The following GRIA2 variants were observed in gnomAD, a reference collection of about 807,000 sequenced individuals.
The protein encoded by GRIA2 is glutamate ionotropic receptor AMPA type subunit 2.
In GRIA2, 14 loss-of-function variants were observed where a neutral mutation model predicts 97.3. That is an observed-to-expected ratio of 0.14 (90% CI 0.10 to 0.23). The LOEUF (loss-of-function observed/expected upper bound fraction) is 0.23, where lower values mean the gene tolerates loss of function less well. Ranked by LOEUF, GRIA2 falls within the 10% of genes least tolerant of loss-of-function variation. The pLI is 1.00. For synonymous variants in GRIA2, 412 were observed against 387.8 expected (o/e 1.06, Z -0.73); for missense variants, 558 against 1,069.8 (o/e 0.52, Z 6.67).
intron 2 of GRIA2, among the ~76,000 whole-genome samples, chr4:157,230,721 TACTATAGAACA>T (rs1213244649): frequency 1.3e-5 from 2 of 152,302 alleles, no homozygotes; most frequent in African/African-American, 4.8e-5. Context: ...AACCTTGAGC[TACTATAGAACA>T]GTGAATTCTT....
chr4:157,308,124 C>T (rs922597087), intron 3 of GRIA2, among the ~76,000 whole-genome samples: 13 of 152,220 alleles, frequency 8.5e-5, no homozygotes, highest in Admixed American at 3.9e-4. Flanking sequence ...AACTGACAGA[C>T]TTCCCCTGTG....
chr4:157,323,125 GGAGATC>G (rs1734651680), intron 6 of GRIA2, among the ~76,000 whole-genome samples: 1 of 151,832 alleles, frequency 6.6e-6, no homozygotes. Context: ...CACGTGGTCA[GGAGATC>G]GAGACCATCC....
intron 2 of GRIA2, among the ~76,000 whole-genome samples, chr4:157,246,596 C>T (rs1007654125): frequency 1.3e-5 from 2 of 151,960 alleles, no homozygotes; most frequent in African/African-American, 4.8e-5. Flanking sequence ...GATTGGTTTG[C>T]TTTTTACAAA....
At chr4:157,348,541 A>T (rs1339481953) in intron 12 of GRIA2, among the ~76,000 whole-genome samples, 2 of 152,154 alleles carry the variant, frequency 1.3e-5, no homozygotes, top group Non-Finnish European at 2.9e-5. Context: ...ACCCAGCCCA[A>T]AAATGAAATT....
intron 6 of GRIA2, among the ~76,000 whole-genome samples, chr4:157,331,245 T>A (rs1214148519): frequency 6.6e-6 from 1 of 152,000 alleles, no homozygotes. Flanking sequence ...ATATGCTACG[T>A]GGATCTGAAT....
chr4:157,221,568 GA>G (rs1729494318), intron 1 of GRIA2, 98 bp from the exon 2 acceptor site: 2 of 1,252,676 alleles, frequency 1.6e-6, no homozygotes, highest in Admixed American at 2.0e-5. Flanking sequence ...CTATTCGCGT[GA>G]ATAAGAGACT....
chr4:157,296,471 C>T (rs758204856), intron 2 of GRIA2, among the ~76,000 whole-genome samples: 14 of 152,022 alleles, frequency 9.2e-5, no homozygotes, highest in Non-Finnish European at 1.9e-4. Flanking sequence ...GCAGAGAATA[C>T]AAAAATTATT....
intron 2 of GRIA2, among the ~76,000 whole-genome samples, chr4:157,254,080 T>C (rs772429576): frequency 1.3e-5 from 2 of 152,006 alleles, no homozygotes; most frequent in Non-Finnish European, 2.9e-5. Context: ...GAGACATTAA[T>C]GCTCTTTTTT....
Position 157,363,673 on chromosome 4 carries a change from C to G in GRIA2, c.*242C>G. On this transcript the variant is annotated 3_prime_UTR_variant, in exon 16 of 16. Transcript: ENST00000264426. ...TATTGTCAAAGTGGTGAGAGGCATC[C>G]AGTATCTTGAAGACTTTTCTTTCAG... 3.7e-6 allele frequency: 3 copies of G among 802,600 alleles called. No homozygotes were observed. Among genetic ancestry groups the G allele is most frequent in the Non-Finnish European group, 5.0e-6 (3 of 594,392 alleles). The allele number at this position is 802,600 out of a possible 1,614,324, so 49.7% of individuals were successfully genotyped here. A position where few individuals can be genotyped will look rare whatever the true frequency, so the allele number is the denominator to read the frequency against.
rs978900785 is a variant in GRIA2, at chr4:157,254,230, A to G, written c.229+32423A>G. ...TAGATAATTATCTGGAAAAAATAAC[A>G]TAAGCTCTCTATTTTCTGTGTGTAC... is the stretch of plus-strand genomic sequence containing the variant. On this transcript the variant is annotated intron_variant, in intron 2 of 15. Coordinates refer to ENST00000264426, the MANE Select transcript of GRIA2 (RefSeq NM_001083619.3). Among the ~76,000 whole-genome samples the G allele has an allele frequency of 2.6e-5, 4 of 152,086 alleles. No homozygotes were observed. The East Asian group carries it at 5.8e-4, about 22-fold the overall frequency.
chr4:157,230,686 A>G (rs1039783361), intron 2 of GRIA2, among the ~76,000 whole-genome samples: 1 of 149,458 alleles, frequency 6.7e-6, no homozygotes, highest in African/African-American at 2.5e-5. Context: ...CTTAGTTTGC[A>G]TGTCTGTGGT....
Position 157,360,135 on chromosome 4 carries a change from C to G in GRIA2, c.2283C>G (p.Ser761=), listed in dbSNP as rs375723423. 1 of 1,613,498 alleles carries G rather than the reference C, an allele frequency of 6.2e-7. No homozygotes were observed. Among genetic ancestry groups the G allele is most frequent in the Non-Finnish European group, 8.5e-7 (1 of 1,179,624 alleles). ...ATGGCATCGCAACACCTAAAGGATCCTCATTAAGGTGGGTGGAATAGTATA... is the reference window on the plus strand; with the variant it reads ...ATGGCATCGCAACACCTAAAGGATCGTCATTAAGGTGGGTGGAATAGTATA... ...KGYGIATPKG[S]SLRNAVNLAV... is the part of the protein sequence containing the mutation. Residue 761 remains serine (S), a synonymous_variant, in exon 13 of 16, where the codon TCC becomes TCG. Transcript: ENST00000264426.
intron 6 of GRIA2, among the ~76,000 whole-genome samples, chr4:157,322,601 G>T (rs756280563): frequency 2.0e-5 from 3 of 152,120 alleles, no homozygotes; most frequent in Non-Finnish European, 4.4e-5. Context: ...CCTTCAGTTG[G>T]TAACCTTATT....
intron 2 of GRIA2, among the ~76,000 whole-genome samples, chr4:157,238,306 C>A (rs1730342660): frequency 6.6e-6 from 1 of 152,080 alleles, no homozygotes; most frequent in Non-Finnish European, 1.5e-5. Flanking sequence ...AATCTTTAAC[C>A]ACTTTATTTT....
chr4:157,266,571 G>A (rs1731780114), intron 2 of GRIA2, among the ~76,000 whole-genome samples: 1 of 152,078 alleles, frequency 6.6e-6, no homozygotes, highest in Admixed American at 6.6e-5. Context: ...CTTGGCAGAT[G>A]AATTTGGTAG....
At chr4:157,253,513 A>C in intron 2 of GRIA2, among the ~76,000 whole-genome samples, 1 of 152,118 alleles carries the variant, frequency 6.6e-6, no homozygotes, top group Admixed American at 6.6e-5. Context: ...AAGATTGTAT[A>C]AGTATATTCT....
At chr4:157,289,950 G>T (rs1044649772) in intron 2 of GRIA2, among the ~76,000 whole-genome samples, 1 of 151,704 alleles carries the variant, frequency 6.6e-6, no homozygotes, top group Non-Finnish European at 1.5e-5. Context: ...GACTGCCTGG[G>T]TTCAAATTTC....
rs149002482 is a variant in GRIA2, at chr4:157,335,703, T to C, written c.1299T>C (p.His433=). 49 of 1,611,516 alleles carry C rather than the reference T, an allele frequency of 3.0e-5. No individual in the cohort carries two copies. The African/African-American group carries it at 5.7e-4, about 19-fold the overall frequency. Reference sequence around the variant, plus strand: ...CGTATGTTATGATGAAGAAAAATCATGAAATGCTTGAAGGCAATGAGCGCT... The same window carrying C: ...CGTATGTTATGATGAAGAAAAATCACGAAATGCTTGAAGGCAATGAGCGCT... ...ESPYVMMKKN[H]EMLEGNERYE... The change falls in exon 10 of 16, where the codon CAT becomes CAC. Residue 433 remains histidine, a synonymous_variant. Coordinates refer to ENST00000264426, the MANE Select transcript of GRIA2 (RefSeq NM_001083619.3).
intron 3 of GRIA2, among the ~76,000 whole-genome samples, chr4:157,312,225 T>C (rs1245477805): frequency 1.3e-5 from 2 of 152,106 alleles, no homozygotes; most frequent in East Asian, 1.9e-4. Context: ...TAGACTTACA[T>C]AGATTCCTCA....
Sources: gnomAD v4.1 joint callset for allele counts (sites outside exome capture counted in the v4.1 genomes callset) on GRCh38, gnomAD v4.1.1 for gene constraint, MANE v1.5 for transcripts, NCBI Gene and HGNC (gene_info 2026-07-23, HGNC 2026-07-21) for gene names.